Variants in ZNF148 observed in about 807,000 individuals in gnomAD.
ZNF148 encodes the protein zinc finger protein 148.
A neutral mutation model predicts 67.7 loss-of-function variants in ZNF148; 7 were observed. The observed-to-expected ratio is 0.10, with a 90% confidence interval of 0.06 to 0.19. The LOEUF is 0.19. Among genes scored for constraint, ZNF148 ranks in the 10% least tolerant of loss-of-function variants. ZNF148 has a pLI of 1.00. For missense variants in ZNF148, 583 were observed against 947.1 expected (o/e 0.62, Z 5.05); for synonymous variants, 333 against 330.7 (o/e 1.01, Z -0.08).
intron 4 of ZNF148, among the ~76,000 whole-genome samples, chr3:125,294,450 C>T (rs1350597518): frequency 6.6e-6 from 1 of 152,202 alleles, no homozygotes. Context: ...GTGAAAAGTT[C>T]ATGCAAACTC....
At chr3:125,332,745 T>C (rs1286143036) in intron 1 of ZNF148, among the ~76,000 whole-genome samples, 1 of 152,190 alleles carries the variant, frequency 6.6e-6, no homozygotes, top group East Asian at 1.9e-4. Context: ...GGTGGAGCTC[T>C]CCAAACCTCT....
At chr3:125,366,853 AT>A (rs1230055429) in intron 1 of ZNF148, among the ~76,000 whole-genome samples, 1 of 152,192 alleles carries the variant, frequency 6.6e-6, no homozygotes, top group Non-Finnish European at 1.5e-5. Flanking sequence ...AAAAAAAAAA[AT>A]CTTATCAATC....
intron 3 of ZNF148, among the ~76,000 whole-genome samples, chr3:125,320,489 G>A (rs953929412): frequency 9.2e-5 from 14 of 152,010 alleles, no homozygotes; most frequent in Non-Finnish European, 1.6e-4. Flanking sequence ...GAGATCCTAC[G>A]TTTCTGTTTC....
chr3:125,285,038 T>G (rs913893648), intron 5 of ZNF148, among the ~76,000 whole-genome samples: 4 of 152,138 alleles, frequency 2.6e-5, no homozygotes, highest in Non-Finnish European at 5.9e-5. Context: ...CATAGTTACA[T>G]GGATGTTTAT....
chr3:125,313,351 T>C lies in ZNF148; in HGVS notation c.290A>G (p.His97Arg), dbSNP rs1156683335. The C allele has an allele frequency of 2.5e-6, 4 of 1,614,074 alleles. No homozygotes were observed. The highest frequency in any genetic ancestry group is 3.4e-6 in the Non-Finnish European group (4 of 1,179,926). ...CTGTAGTCCTTGAGGAAGTCTTTCA[T>C]GTGTTTCCATCTGCTCTTCATCATT... The part of the protein sequence containing the change: ...VKNDEEQMET[H>R]ERLPQGLQYA... Residue 97 changes from histidine (H) to arginine (R), a missense_variant, in exon 4 of 9, where the codon CAT becomes CGT. This residue lies in a region of ZNF148 where 150 missense variants were observed against 202.5 expected (regional missense o/e 0.74). Coordinates refer to ENST00000360647, the MANE Select transcript of ZNF148 (RefSeq NM_021964.3).
In ZNF148 at chr3:125,234,196, A is replaced by C. The variant is rs1935981544; in HGVS notation, c.786+15T>G. 1 of 1,505,966 alleles carries C rather than the reference A, an allele frequency of 6.6e-7. No homozygotes were observed. Among genetic ancestry groups the C allele is most frequent in the Non-Finnish European group, 9.2e-7 (1 of 1,090,928 alleles). 93.3% of individuals were successfully genotyped at this position (1,505,966 alleles called of 1,614,324 possible). On this transcript the variant is annotated intron_variant, in intron 8 of 8. Coordinates refer to ENST00000360647, the MANE Select transcript of ZNF148 (RefSeq NM_021964.3). ...ATTTAATTACAGTAGAAGAATTTCA[A>C]GCCATCTCTCTTACCTGTAAACAGT...
At chr3:125,325,404 G>C (rs1349772250) in intron 2 of ZNF148, among the ~76,000 whole-genome samples, 4 of 151,408 alleles carry the variant, frequency 2.6e-5, no homozygotes, top group African/African-American at 9.7e-5. Flanking sequence ...TGAGTACCAG[G>C]AAAGAAGAGA....
rs538321396 is a variant in ZNF148, at chr3:125,279,592, G to T, written c.460-345C>A. Among the ~76,000 whole-genome samples the T allele has an allele frequency of 1.1e-3, 172 of 151,974 alleles. 4 individuals are homozygous for T. The South Asian group carries it at 0.032, about 28-fold the overall frequency. On this transcript the variant is annotated intron_variant, in intron 5 of 8. Coordinates refer to ENST00000360647, the MANE Select transcript of ZNF148 (RefSeq NM_021964.3). ...TCAATTTCAAATTCTCATATATGCA[G>T]GAAAAAAGCCTTTAGACATGATCTA... is the stretch of plus-strand genomic sequence containing the variant.
Position 125,295,981 on chromosome 3 carries a change from A to C in ZNF148, c.334-7753T>G, listed in dbSNP as rs535931908. 3.5e-4 allele frequency among the ~76,000 whole-genome samples: 53 copies of C among 152,248 alleles called. 1 individual carries two copies. The highest frequency in any genetic ancestry group is 1.2e-3 in the African/African-American group (50 of 41,546). On this transcript the variant is annotated intron_variant, in intron 4 of 8. Coordinates refer to ENST00000360647, the MANE Select transcript of ZNF148 (RefSeq NM_021964.3). ...CTGCTTGGATACACAAAGGATTAGCAATTTCTATAAAATATCTCTACGTAG... is the reference window on the plus strand; with the variant it reads ...CTGCTTGGATACACAAAGGATTAGCCATTTCTATAAAATATCTCTACGTAG...
chr3:125,356,491 T>A (rs1184907382), intron 1 of ZNF148, among the ~76,000 whole-genome samples: 1 of 152,196 alleles, frequency 6.6e-6, no homozygotes, highest in Non-Finnish European at 1.5e-5. Flanking sequence ...CAACTGCAAA[T>A]ATATTTTTAG....
intron 4 of ZNF148, among the ~76,000 whole-genome samples, chr3:125,308,443 C>T (rs1224313953): frequency 6.6e-6 from 1 of 150,402 alleles, no homozygotes; most frequent in Non-Finnish European, 1.5e-5. Flanking sequence ...GACTGGGAGC[C>T]ATTATTGTTT....
At chr3:125,259,474 C>T (rs967877956) in intron 7 of ZNF148, among the ~76,000 whole-genome samples, 3 of 152,136 alleles carry the variant, frequency 2.0e-5, no homozygotes, top group African/African-American at 7.2e-5. Context: ...ACAGGCATAC[C>T]TTGGAGATAT....
At chr3:125,363,553 C>T (rs533166229) in intron 1 of ZNF148, among the ~76,000 whole-genome samples, 7 of 152,306 alleles carry the variant, frequency 4.6e-5, no homozygotes, top group Non-Finnish European at 8.8e-5. Context: ...AAAAGCCTAT[C>T]TGCCATCAAA....
chr3:125,251,371 C>T (rs529617273), intron 7 of ZNF148, among the ~76,000 whole-genome samples: 10 of 152,274 alleles, frequency 6.6e-5, no homozygotes, highest in African/African-American at 2.2e-4. Context: ...AGTAAACATA[C>T]TGAACTGTAA....
chr3:125,335,591 T>C (rs1255257426), intron 1 of ZNF148, among the ~76,000 whole-genome samples: 1 of 152,220 alleles, frequency 6.6e-6, no homozygotes, highest in East Asian at 1.9e-4. Flanking sequence ...CTTAGCAACA[T>C]AAATAGGTTA....
intron 2 of ZNF148, 122 bp downstream of exon 2, chr3:125,331,036 A>G (rs1159501646): frequency 2.5e-6 from 1 of 395,948 alleles, no homozygotes; most frequent in Admixed American, 4.4e-5. Context: ...TATGAATATA[A>G]AAAGAAAAGG....
chr3:125,236,362 C>T (rs1360405629), intron 7 of ZNF148, among the ~76,000 whole-genome samples: 1 of 152,116 alleles, frequency 6.6e-6, no homozygotes, highest in African/African-American at 2.4e-5. Context: ...CTGCGCCTTG[C>T]CCCTTGTGAT....
chr3:125,258,422 C>CAAAAAAAAA (rs34739205), intron 7 of ZNF148, among the ~76,000 whole-genome samples: 2 of 56,282 alleles, frequency 3.6e-5, no homozygotes, highest in Admixed American at 2.6e-4. Flanking sequence ...GACTCCATCT[C>CAAAAAAAAA]AAAAAAAAAA....
chr3:125,304,948 A>G (rs1039462904), intron 4 of ZNF148, among the ~76,000 whole-genome samples: 18 of 152,222 alleles, frequency 1.2e-4, no homozygotes, highest in African/African-American at 4.3e-4. Context: ...AGAAGTACTC[A>G]ACGACTGACG....
Sources: gnomAD v4.1 joint callset for allele counts (sites outside exome capture counted in the v4.1 genomes callset) on GRCh38, gnomAD v4.1.1 for gene constraint, gnomAD v4.1.1 regional missense constraint, MANE v1.5 for transcripts, NCBI Gene and HGNC (gene_info 2026-07-23, HGNC 2026-07-21) for gene names.